The following FHAD1 variants were observed in gnomAD, a reference collection of about 807,000 sequenced individuals.
FHAD1 encodes forkhead-associated domain-containing protein 1.
FHAD1 carries 146 observed loss-of-function variants against 191.3 expected under a neutral mutation model. The ratio of observed to expected loss-of-function variants is 0.76; its 90% CI spans 0.67 to 0.88. The LOEUF is 0.88. Ranked by LOEUF, FHAD1 falls within the 40% of genes least tolerant of loss-of-function variation. The pLI, the probability that FHAD1 is intolerant of heterozygous loss-of-function variation, is 0.00. For synonymous variants in FHAD1, 616 were observed against 672.3 expected (o/e 0.92, Z 1.29); for missense variants, 1,635 against 1,785.8 (o/e 0.92, Z 1.52).
In FHAD1 at chr1:15,394,773, G is replaced by A. The variant is rs576578698; in HGVS notation, c.4324-2524G>A. 4.6e-5 allele frequency among the ~76,000 whole-genome samples: 7 copies of A among 152,258 alleles called. 1 individual carries two copies. In the East Asian group the frequency reaches 7.7e-4, roughly 17 times the overall value. ...ATGTAGTGAGTGGCAGAGCTGAAAC[G>A]CGACTAGCCACCCAGCCCTCTTGCC... On this transcript the variant is annotated intron_variant, in intron 33 of 33. Transcript: ENST00000688493.
chr1:15,333,120 A>G (rs1682408008), intron 14 of FHAD1, among the ~76,000 whole-genome samples: 2 of 152,238 alleles, frequency 1.3e-5, no homozygotes, highest in Admixed American at 1.3e-4. Context: ...AAAGTTCAGT[A>G]AGCAGGGCCC....
At chr1:15,398,842 CAG>C (rs1331521670), downstream of FHAD1, among the ~76,000 whole-genome samples, 1 of 146,172 alleles carries the variant, frequency 6.8e-6, no homozygotes, top group Non-Finnish European at 1.5e-5. Context: ...TTTTTTGAGA[CAG>C]AGTTTCACTC....
intron 3 of FHAD1, among the ~76,000 whole-genome samples, chr1:15,273,230 T>G (rs1656885052): frequency 6.6e-6 from 1 of 152,206 alleles, no homozygotes; most frequent in South Asian, 2.1e-4. Context: ...TTATTTGTAG[T>G]GGCATAACAT....
At chr1:15,297,886 T>TC (rs1218575669) in intron 5 of FHAD1, among the ~76,000 whole-genome samples, 15 of 152,326 alleles carry the variant, frequency 9.8e-5, no homozygotes, top group Non-Finnish European at 1.9e-4. Flanking sequence ...TTTCTTTTTT[T>TC]TAATTTTTCC....
intron 6 of FHAD1, among the ~76,000 whole-genome samples, chr1:15,308,339 A>T (rs1043270936): frequency 1.3e-5 from 2 of 152,192 alleles, no homozygotes; most frequent in African/African-American, 4.8e-5. Context: ...ATCAGAAGGC[A>T]CATTAAGAAA....
Position 15,329,157 on chromosome 1 carries a change from G to A in FHAD1, c.1711-189G>A. On this transcript the variant is annotated intron_variant, in intron 13 of 33. Transcript: ENST00000688493. The surrounding 1 kb of genome is among the most constrained non-coding windows in gnomAD (Gnocchi z 5.0). ...CTTTGACCATCAAAAGTCCAAATTA[G>A]AGTATTAAAAAAAAACCTGTCAAAA... 1 of 485,992 alleles carries A rather than the reference G, an allele frequency of 2.1e-6. No homozygotes were observed. The highest frequency in any genetic ancestry group is 4.5e-5 in the South Asian group (1 of 22,420). The allele number at this position is 485,992 out of a possible 1,614,324, so 30.1% of individuals were successfully genotyped here.
intron 31 of FHAD1, chr1:15,383,166 C>T: frequency 2.1e-6 from 1 of 471,680 alleles, no homozygotes; most frequent in South Asian, 1.5e-5. Context: ...TAGATGGGAG[C>T]TTCCAGCCCC....
intron 1 of FHAD1, among the ~76,000 whole-genome samples, chr1:15,249,998 A>C (rs951575636): frequency 1.3e-5 from 2 of 152,224 alleles, no homozygotes; most frequent in South Asian, 2.1e-4. Context: ...TGAGGATGAA[A>C]AGAGTATATT....
chr1:15,238,172 G>A lies in FHAD1; in HGVS notation c.-15+1411G>A, dbSNP rs188421566. Reference sequence around the variant, plus strand: ...TGAGGCAGGAGAATTGCTTGAACCCGGGAGGCAGAAGTTATAGTGAGCCGA... The same window carrying A: ...TGAGGCAGGAGAATTGCTTGAACCCAGGAGGCAGAAGTTATAGTGAGCCGA... On this transcript the variant is annotated intron_variant, in intron 1 of 33. Coordinates refer to the FHAD1 transcript ENST00000683790. Among the ~76,000 whole-genome samples, 235 of 149,782 alleles carry A rather than the reference G, an allele frequency of 1.6e-3. 1 individual carries two copies. Among genetic ancestry groups the A allele is most frequent in the African/African-American group, 5.3e-3 (215 of 40,592 alleles).
At chr1:15,271,292 G>C (rs1179413810) in intron 2 of FHAD1, among the ~76,000 whole-genome samples, 3 of 152,174 alleles carry the variant, frequency 2.0e-5, no homozygotes, top group Admixed American at 2.0e-4. Context: ...CAGCCTGGGT[G>C]ACGGAGCGAG....
chr1:15,313,224 G>T, intron 8 of FHAD1, 37 bp downstream of exon 8: 1 of 1,543,232 alleles, frequency 6.5e-7, no homozygotes, highest in South Asian at 1.2e-5. Flanking sequence ...GTAGCCATCC[G>T]GTGAAAAGCA....
upstream of FHAD1, among the ~76,000 whole-genome samples, chr1:15,246,565 G>C: frequency 6.8e-6 from 1 of 147,516 alleles, no homozygotes; most frequent in East Asian, 1.9e-4. Context: ...GGTTTCTTAA[G>C]GACAGTAACT....
chr1:15,365,545 A>G lies in FHAD1; in HGVS notation c.3048-282A>G, dbSNP rs536546847. On this transcript the variant is annotated intron_variant, in intron 23 of 33. Coordinates refer to ENST00000688493, the MANE Select transcript of FHAD1 (RefSeq NM_001391957.1). The stretch of plus-strand genomic sequence containing the variant: ...CTTATGTAGCCCAGGCTGGTCTCGA[A>G]CTCCTGAGCTCAAGTAATTCTCCAG... Among the ~76,000 whole-genome samples the G allele has an allele frequency of 9.8e-5, 14 of 143,464 alleles. No homozygotes were observed. In the East Asian group the frequency reaches 2.6e-3, roughly 27 times the overall value. 94.1% of individuals were successfully genotyped at this position (143,464 alleles called of 152,430 possible). A position where few individuals can be genotyped will look rare whatever the true frequency, so the allele number is the denominator to read the frequency against.
intron 1 of FHAD1, among the ~76,000 whole-genome samples, chr1:15,249,776 C>A (rs918856714): frequency 5.9e-5 from 9 of 152,122 alleles, no homozygotes; most frequent in Non-Finnish European, 1.2e-4. Flanking sequence ...TCCCTCCCCC[C>A]ACTCAGTCAC....
chr1:15,397,478 C>T lies in FHAD1; in HGVS notation c.*65C>T. 1.3e-6 allele frequency: 1 copy of T among 741,474 alleles called. No individual in the cohort carries two copies. Among genetic ancestry groups the T allele is most frequent in the African/African-American group, 1.8e-5 (1 of 56,290 alleles). 45.9% of individuals were successfully genotyped at this position (741,474 alleles called of 1,614,324 possible). A position where few individuals can be genotyped will look rare whatever the true frequency, so the allele number is the denominator to read the frequency against. On this transcript the variant is annotated 3_prime_UTR_variant, in exon 34 of 34. Coordinates refer to ENST00000688493, the MANE Select transcript of FHAD1 (RefSeq NM_001391957.1). ...AGTTCATGTGACTCTTCTGTGTCAT[C>T]TGTGTCAAAATACTGAGTTGCTTTT...
At chr1:15,380,325 C>G (rs1700615369) in intron 28 of FHAD1, among the ~76,000 whole-genome samples, 2 of 152,092 alleles carry the variant, frequency 1.3e-5, no homozygotes, top group African/African-American at 4.8e-5. Flanking sequence ...TCTCTACCCC[C>G]TAGATGCTAG....
intron 3 of FHAD1, among the ~76,000 whole-genome samples, chr1:15,275,832 C>T (rs925684150): frequency 1.3e-5 from 2 of 152,062 alleles, no homozygotes; most frequent in Admixed American, 6.6e-5. Context: ...GTGTCTTCCC[C>T]GCGGTAGAGT....
chr1:15,383,014 A>ACG (rs1050063106), intron 31 of FHAD1: 2 of 451,862 alleles, frequency 4.4e-6, no homozygotes, highest in African/African-American at 4.0e-5. Context: ...ACACACACAC[A>ACG]CGCGCACGCG....
At chr1:15,267,532 A>G in intron 2 of FHAD1, among the ~76,000 whole-genome samples, 1 of 152,014 alleles carries the variant, frequency 6.6e-6, no homozygotes, top group East Asian at 1.9e-4. Context: ...AGCTGGTATC[A>G]TTTCTTCCTT....
Sources: allele counts gnomAD v4.1 joint callset (sites outside exome capture counted in the v4.1 genomes callset), GRCh38; gene constraint gnomAD v4.1.1; non-coding constraint Gnocchi (gnomAD v3.1); transcripts MANE v1.5; gene names NCBI Gene and HGNC (gene_info 2026-07-23, HGNC 2026-07-21).